Variants in RYR2 observed in about 807,000 individuals in gnomAD.
RYR2 encodes the protein cardiac muscle ryanodine receptor-calcium release channel.
In RYR2, 227 loss-of-function variants were observed where a neutral mutation model predicts 601.1. The ratio of observed to expected loss-of-function variants is 0.38; its 90% CI spans 0.34 to 0.42. The LOEUF is 0.42. Among genes scored for constraint, RYR2 ranks in the 10% least tolerant of loss-of-function variants. The pLI is 1.00. For synonymous variants in RYR2, 2,223 were observed against 2,175.1 expected, an observed-to-expected ratio of 1.02 and a Z score of -0.61; for missense variants, 4,646 against 6,156.5, an observed-to-expected ratio of 0.75 and a Z score of 8.21.
intron 27 of RYR2, among the ~76,000 whole-genome samples, chr1:237,563,030 A>G (rs1278729701): frequency 1.3e-5 from 2 of 152,170 alleles, no homozygotes; most frequent in Non-Finnish European, 2.9e-5. Context: ...TTCACTTTGT[A>G]TTAGTATTTT....
At chr1:237,721,906 C>T (rs1341947992) in intron 73 of RYR2, among the ~76,000 whole-genome samples, 6 of 152,098 alleles carry the variant, frequency 3.9e-5, no homozygotes, top group South Asian at 2.1e-4. Flanking sequence ...TTGCTTTTGT[C>T]AATTTCTATG....
At chr1:237,200,246 C>A (rs1681032023) in intron 1 of RYR2, among the ~76,000 whole-genome samples, 1 of 151,946 alleles carries the variant, frequency 6.6e-6, no homozygotes, top group African/African-American at 2.4e-5. Context: ...CAATTTTATC[C>A]TTTAACTGCC....
Position 237,445,306 on chromosome 1 carries a change from G to A in RYR2, c.1171-95G>A. 2.0e-6 allele frequency: 3 copies of A among 1,505,768 alleles called. No individual in the cohort carries two copies. In the South Asian group the frequency reaches 3.7e-5, roughly 19 times the overall value. 93.3% of individuals were successfully genotyped at this position (1,505,768 alleles called of 1,614,324 possible). On this transcript the variant is annotated intron_variant, in intron 13 of 104. Coordinates refer to ENST00000366574, the MANE Select transcript of RYR2 (RefSeq NM_001035.3). ...CTGTACCTGCCTTTTGATTCTATCT[G>A]TTGTTATGGCTCAGCTGTTTGAGTA...
chr1:237,651,571 T>G (rs775565485), intron 51 of RYR2, 70 bp downstream of exon 51: 4 of 976,064 alleles, frequency 4.1e-6, no homozygotes, highest in African/African-American at 1.6e-5. Flanking sequence ...TGACAACATA[T>G]ACATTTCTTA....
intron 10 of RYR2, among the ~76,000 whole-genome samples, chr1:237,409,115 A>G (rs1376758686): frequency 6.7e-6 from 1 of 150,370 alleles, no homozygotes; most frequent in African/African-American, 2.5e-5. Context: ...CTATGAAGAA[A>G]AAGTTTTATT....
At chr1:237,048,086 T>C (rs1305094286) in intron 1 of RYR2, among the ~76,000 whole-genome samples, 4 of 152,182 alleles carry the variant, frequency 2.6e-5, no homozygotes, top group African/African-American at 9.6e-5. Context: ...CAGCTTGACA[T>C]CATTGCCTGT....
intron 89 of RYR2, 131 bp downstream of exon 89, chr1:237,781,777 G>T: frequency 2.2e-6 from 1 of 458,606 alleles, no homozygotes; most frequent in East Asian, 3.4e-5. Flanking sequence ...ATTTCTTGCT[G>T]GCTTATTATT....
At chr1:237,723,726 AT>A (rs1475312565) in intron 74 of RYR2, among the ~76,000 whole-genome samples, 1 of 152,076 alleles carries the variant, frequency 6.6e-6, no homozygotes, top group Non-Finnish European at 1.5e-5. Context: ...TTTTGAGCTA[AT>A]TTTCTCTGAA....
intron 26 of RYR2, among the ~76,000 whole-genome samples, chr1:237,550,064 T>G (rs1329678550): frequency 6.6e-6 from 1 of 152,184 alleles, no homozygotes; most frequent in Non-Finnish European, 1.5e-5. Context: ...CCAATGCATA[T>G]TTTTCAGTTA....
At chr1:237,310,229 C>T (rs1219416817) in intron 2 of RYR2, among the ~76,000 whole-genome samples, 1 of 152,210 alleles carries the variant, frequency 6.6e-6, no homozygotes. Context: ...TGGATGACTA[C>T]TGTAGGTATT....
At chr1:237,191,914 G>C (rs536015894) in intron 1 of RYR2, among the ~76,000 whole-genome samples, 12 of 152,274 alleles carry the variant, frequency 7.9e-5, no homozygotes, top group Non-Finnish European at 1.2e-4. Context: ...GGTCAGTAAT[G>C]AGGCTTAAGT....
intron 25 of RYR2, among the ~76,000 whole-genome samples, chr1:237,534,427 C>G (rs994275362): frequency 7.2e-5 from 11 of 151,970 alleles, no homozygotes; most frequent in Admixed American, 3.9e-4. Context: ...TAAATGTTAA[C>G]AAAGATTAAT....
chr1:237,697,386 TTA>T (rs1687564200), intron 63 of RYR2, among the ~76,000 whole-genome samples: 2 of 142,608 alleles, frequency 1.4e-5, no homozygotes, highest in Non-Finnish European at 3.0e-5. Flanking sequence ...TAATTGCATA[TTA>T]TATATTATGT....
intron 1 of RYR2, among the ~76,000 whole-genome samples, chr1:237,240,370 T>C (rs2149229166): frequency 6.6e-6 from 1 of 152,286 alleles, no homozygotes; most frequent in South Asian, 2.1e-4. Flanking sequence ...TTGGTTTATA[T>C]AGCCCCCAAA....
chr1:237,273,019 G>T (rs1358906431), intron 2 of RYR2, among the ~76,000 whole-genome samples: 4 of 152,116 alleles, frequency 2.6e-5, no homozygotes, highest in Admixed American at 1.3e-4. Context: ...ACCGGGGCTG[G>T]AGGGTGTTTT....
chr1:237,091,581 C>T (rs1379966681), intron 1 of RYR2, among the ~76,000 whole-genome samples: 6 of 152,040 alleles, frequency 3.9e-5, no homozygotes, highest in Admixed American at 2.6e-4. Flanking sequence ...TGCGGTGCCA[C>T]ACCTGGCTAA....
chr1:237,349,966 C>T (rs1402735681), intron 3 of RYR2, among the ~76,000 whole-genome samples: 3 of 151,996 alleles, frequency 2.0e-5, no homozygotes, highest in South Asian at 2.1e-4. Flanking sequence ...AATAAATGAA[C>T]TTTATGATAT....
Position 237,132,823 on chromosome 1 carries a change from C to T in RYR2, c.48+90254C>T, listed in dbSNP as rs558390799. 5.9e-5 allele frequency among the ~76,000 whole-genome samples: 9 copies of T among 152,162 alleles called. No homozygotes were observed. The South Asian group carries it at 1.2e-3, about 21-fold the overall frequency. On this transcript the variant is annotated intron_variant, in intron 1 of 104. Coordinates refer to ENST00000366574, the MANE Select transcript of RYR2 (RefSeq NM_001035.3). ...TTGAGAGTAAGGATTGGGAAAATGT[C>T]GAAGTGTTAAGGAGAGAAGAAACCT...
At chr1:237,110,977 G>T (rs1669402822) in intron 1 of RYR2, among the ~76,000 whole-genome samples, 1 of 152,162 alleles carries the variant, frequency 6.6e-6, no homozygotes. Context: ...TCAAGGTCAA[G>T]CACGATGCCA....
Sources: allele counts gnomAD v4.1 joint callset (sites outside exome capture counted in the v4.1 genomes callset), GRCh38; gene constraint gnomAD v4.1.1; transcripts MANE v1.5; gene names NCBI Gene and HGNC (gene_info 2026-07-23, HGNC 2026-07-21).